The following DNAH8 variants were observed in gnomAD, a reference collection of about 807,000 sequenced individuals.
DNAH8 encodes axonemal beta dynein heavy chain 8.
DNAH8 carries 382 observed loss-of-function variants against 562.1 expected under a neutral mutation model. The ratio of observed to expected loss-of-function variants is 0.68; its 90% confidence interval spans 0.63 to 0.74. The LOEUF (loss-of-function observed/expected upper bound fraction) is 0.74, where lower values mean the gene tolerates loss of function less well. DNAH8 is among the 30% of genes least tolerant of loss of function. DNAH8 has a pLI of 0.00. For synonymous variants in DNAH8, 1,881 were observed against 1,919.4 expected (o/e 0.98, Z 0.52); for missense variants, 5,203 against 5,620.4 (o/e 0.93, Z 2.37).
At position 38,862,291 on chromosome 6, in the gene DNAH8, C is replaced by T. The variant is rs760382625; in HGVS notation, c.6143C>T (p.Thr2048Met). 9.3e-6 allele frequency: 15 copies of T among 1,613,244 alleles called. No individual in the cohort carries two copies. Among genetic ancestry groups the T allele is most frequent in the South Asian group, 2.2e-5 (2 of 90,832 alleles). ...ITPLTDRCYI[T>M]LAQALGMNMG... The stretch of plus-strand genomic sequence containing the variant: ...ATGAACATTTGCAGATGCTATATCA[C>T]GTTAGCTCAGGCCTTGGGCATGAAC... The change falls in exon 44 of 93, where the codon ACG (threonine) becomes ATG (methionine). Residue 2048 changes from threonine to methionine, a missense_variant. Transcript: ENST00000327475.
chr6:38,807,628 G>T lies in DNAH8; in HGVS notation c.3169G>T (p.Ala1057Ser). Residue 1057 changes from alanine (A) to serine (S), a missense_variant, in exon 24 of 93, where the codon GCT (alanine) becomes TCT (serine). By Grantham distance (99) the Ala-to-Ser change is moderately conservative (BLOSUM62 1). Transcript: ENST00000327475. ...ATTACAGGAGTGTAAAGAGGTCTTT[G>T]CTTTTTTCTCTCATCAATTACTAGA... is the stretch of plus-strand genomic sequence containing the variant. ...EFKKECKEVF[A>S]FFSHQLLDSL... 1 of 1,550,472 alleles carries T rather than the reference G, an allele frequency of 6.4e-7. No individual in the cohort carries two copies. Among genetic ancestry groups the T allele is most frequent in the Non-Finnish European group, 8.7e-7 (1 of 1,152,082 alleles).
chr6:38,823,653 C>T lies in DNAH8; in HGVS notation c.3812C>T (p.Pro1271Leu), dbSNP rs1773070056. ...TFEQEIDELK[P>L]IIVVGALELH... ...GAACAGGAGATTGATGAGTTGAAGC[C>T]TATTATTGTTGTAGGAGCACTTGAA... The change falls in exon 28 of 93, where the codon CCT becomes CTT. Residue 1271 changes from proline to leucine, a missense_variant. Transcript: ENST00000327475. The T allele has an allele frequency of 6.2e-7, 1 of 1,604,422 alleles. No homozygotes were observed. The highest frequency in any genetic ancestry group is 8.5e-7 in the Non-Finnish European group (1 of 1,171,924).
intron 19 of DNAH8, 57 bp from the exon 20 acceptor site, chr6:38,790,232 T>C (rs191862083): frequency 2.2e-6 from 2 of 911,362 alleles, no homozygotes; most frequent in Admixed American, 2.0e-5. Context: ...AATCCTCTTC[T>C]ATAAGTGCAG....
At position 38,837,936 on chromosome 6, in the gene DNAH8, T is replaced by C. The variant is rs767098111; in HGVS notation, c.4366-6T>C. ...TTTTAGTACAATTTAAAAACCTTTGTTACAGGCCAGTTTCGATGATCTGTG... is the reference window on the plus strand; with the variant it reads ...TTTTAGTACAATTTAAAAACCTTTGCTACAGGCCAGTTTCGATGATCTGTG... On this transcript the variant is annotated splice_polypyrimidine_tract_variant and splice_region_variant and intron_variant, in intron 32 of 92. Transcript: ENST00000327475. The C allele has an allele frequency of 2.5e-6, 4 of 1,598,232 alleles. No homozygotes were observed. Among genetic ancestry groups the C allele is most frequent in the East Asian group, 2.2e-5 (1 of 44,660 alleles).
intron 53 of DNAH8, among the ~76,000 whole-genome samples, chr6:38,878,222 C>G (rs1299066249): frequency 6.6e-6 from 1 of 151,922 alleles, no homozygotes; most frequent in Non-Finnish European, 1.5e-5. Flanking sequence ...CTATCAATAC[C>G]CTGAATTCAA....
intron 17 of DNAH8, among the ~76,000 whole-genome samples, chr6:38,785,616 A>T (rs1769080341): frequency 6.6e-6 from 1 of 152,076 alleles, no homozygotes; most frequent in South Asian, 2.1e-4. Flanking sequence ...CTTTGTCCTA[A>T]TACTTTCCCT....
chr6:38,775,698 A>G, intron 12 of DNAH8, 56 bp from the exon 13 acceptor site: 1 of 1,067,452 alleles, frequency 9.4e-7, no homozygotes, highest in Non-Finnish European at 1.4e-6. Flanking sequence ...AGCTTATTTT[A>G]GGGAAGTTGC....
rs542764377 is a variant in DNAH8, at chr6:38,788,442, G to A, written c.2584-1361G>A. ...TGGGATTACAGGCCTGAGCCACTGCGCCCGGCCTATTGTTTGTCATTTTTA... is the reference window on the plus strand; with the variant it reads ...TGGGATTACAGGCCTGAGCCACTGCACCCGGCCTATTGTTTGTCATTTTTA... On this transcript the variant is annotated intron_variant, in intron 18 of 92. Transcript: ENST00000327475. 7.2e-5 allele frequency among the ~76,000 whole-genome samples: 11 copies of A among 152,244 alleles called. No homozygotes were observed. The East Asian group carries it at 2.1e-3, about 29-fold the overall frequency.
chr6:38,954,985 T>G (rs1762150431), intron 82 of DNAH8, among the ~76,000 whole-genome samples: 1 of 152,190 alleles, frequency 6.6e-6, no homozygotes, highest in Non-Finnish European at 1.5e-5. Context: ...CTTTTTCTTT[T>G]GAGACAGGCT....
intron 41 of DNAH8, among the ~76,000 whole-genome samples, chr6:38,855,746 G>A (rs1318407103): frequency 6.6e-6 from 1 of 152,028 alleles, no homozygotes; most frequent in Non-Finnish European, 1.5e-5. Flanking sequence ...CCCCCACCCG[G>A]CCCGGCCACA....
Position 38,909,759 on chromosome 6 carries a change from A to G in DNAH8, c.9740+15A>G, listed in dbSNP as rs749698551. 4 of 1,597,176 alleles carry G rather than the reference A, an allele frequency of 2.5e-6. No individual in the cohort carries two copies. Among genetic ancestry groups the G allele is most frequent in the Non-Finnish European group, 3.4e-6 (4 of 1,164,860 alleles). On this transcript the variant is annotated intron_variant, in intron 65 of 92. Transcript: ENST00000327475. ...TATTTCCAAAGGTAAGTGATATTAC[A>G]TAAGCACCATCGCTATGGAACCACA... is the stretch of plus-strand genomic sequence containing the variant.
Position 39,029,368 on chromosome 6 carries a change from A to G in DNAH8, c.13837-737A>G, listed in dbSNP as rs1468125596. 2.6e-5 allele frequency among the ~76,000 whole-genome samples: 4 copies of G among 152,194 alleles called. No individual in the cohort carries two copies. The South Asian group carries it at 6.2e-4, about 24-fold the overall frequency. ...AGAGGCTCCTGAGCACTCCAGCCACAGGGACCTTGCCTCAGAATTCACCGC... is the reference window on the plus strand; with the variant it reads ...AGAGGCTCCTGAGCACTCCAGCCACGGGGACCTTGCCTCAGAATTCACCGC... On this transcript the variant is annotated intron_variant, in intron 92 of 92. Transcript: ENST00000327475.
At chr6:38,902,417 G>A (rs535068789) in intron 62 of DNAH8, among the ~76,000 whole-genome samples, 15 of 152,180 alleles carry the variant, frequency 9.9e-5, no homozygotes, top group African/African-American at 3.6e-4. Context: ...GTCAACAAGG[G>A]ACCACTCCTA....
rs1270100288 is a variant in DNAH8 at position 38,845,646 on chromosome 6, A to T, written c.4918A>T (p.Asn1640Tyr). ...KLTQVIENWT[N>Y]QNLSFAAFKG... ...GACTCAGGTGATTGAGAATTGGACC[A>T]ACCAAAATCTGAGTTTTGCAGCATT... The change falls in exon 36 of 93, where the codon AAC becomes TAC. Residue 1640 changes from asparagine (N) to tyrosine (Y), a missense_variant. By Grantham distance (143) the Asn-to-Tyr change is moderately radical (BLOSUM62 -2). Coordinates refer to ENST00000327475, the MANE Select transcript of DNAH8 (RefSeq NM_001206927.2). 1 of 1,613,840 alleles carries T rather than the reference A, an allele frequency of 6.2e-7. No individual in the cohort carries two copies. The highest frequency in any genetic ancestry group is 1.1e-5 in the South Asian group (1 of 91,080).
At chr6:38,889,333 A>G (rs896630942) in intron 57 of DNAH8, among the ~76,000 whole-genome samples, 3 of 152,172 alleles carry the variant, frequency 2.0e-5, no homozygotes, top group Admixed American at 1.3e-4. Context: ...TTACCAGTTC[A>G]GAAGTTCAAA....
At chr6:38,908,662 C>T (rs1360724464) in intron 64 of DNAH8, among the ~76,000 whole-genome samples, 2 of 152,214 alleles carry the variant, frequency 1.3e-5, no homozygotes, top group Non-Finnish European at 2.9e-5. Context: ...AAGCCATCCT[C>T]TCACCTTAGA....
chr6:38,826,019 T>C (rs1205316712), intron 28 of DNAH8, 137 bp from the exon 29 acceptor site: 2 of 598,072 alleles, frequency 3.3e-6, no homozygotes, highest in African/African-American at 3.8e-5. Flanking sequence ...CACATGTAAT[T>C]CATACTAACC....
intron 10 of DNAH8, among the ~76,000 whole-genome samples, chr6:38,757,486 A>T (rs1245935902): frequency 6.6e-6 from 1 of 151,858 alleles, no homozygotes; most frequent in African/African-American, 2.4e-5. Flanking sequence ...GTTCACTCTG[A>T]TGGTAGTTTC....
At chr6:39,027,014 A>G (rs1265699451) in intron 92 of DNAH8, among the ~76,000 whole-genome samples, 1 of 152,150 alleles carries the variant, frequency 6.6e-6, no homozygotes. Context: ...TGAGCCCAGG[A>G]GTTCAAGACC....
Sources: allele counts gnomAD v4.1 joint callset (sites outside exome capture counted in the v4.1 genomes callset), GRCh38; gene constraint gnomAD v4.1.1; transcripts MANE v1.5; gene names NCBI Gene and HGNC (gene_info 2026-07-23, HGNC 2026-07-21).